CDH4: variants seen among roughly 807,000 people sequenced by gnomAD.
CDH4 encodes cadherin 4.
CDH4 carries 33 observed loss-of-function variants against 86.0 expected under a neutral mutation model. The ratio of observed to expected loss-of-function variants is 0.38; its 90% CI spans 0.29 to 0.51. The LOEUF is 0.51. Among genes scored for constraint, CDH4 ranks in the 20% least tolerant of loss-of-function variants. The probability of loss-of-function intolerance (pLI) is 0.86; values close to 1 mark genes in which losing one functional copy is unlikely to be tolerated. For missense variants in CDH4, 1,114 were observed against 1,307.4 expected (o/e 0.85, Z 2.28); for synonymous variants, 555 against 549.4 (o/e 1.01, Z -0.14).
intron 2 of CDH4, among the ~76,000 whole-genome samples, chr20:61,500,419 G>T (rs181029014): frequency 6.6e-6 from 1 of 152,236 alleles, no homozygotes; most frequent in Admixed American, 6.5e-5. Flanking sequence ...TCCACATCAC[G>T]GGCGTGGAGA....
rs73148360 is a variant in CDH4 at position 61,659,177 on chromosome 20, G to A, written c.170-84386G>A. Among the ~76,000 whole-genome samples the A allele has an allele frequency of 6.1e-3, 934 of 152,338 alleles. 4 individuals carry two copies. Among genetic ancestry groups the A allele is most frequent in the Middle Eastern group, 0.01 (3 of 294 alleles). On this transcript the variant is annotated intron_variant, in intron 2 of 15. Coordinates refer to ENST00000614565, the MANE Select transcript of CDH4 (RefSeq NM_001794.5). ...GGAAGGAGGGCCTGGGACACGCCAC[G>A]TGAGGCCCTGCACCACCCGTGACAC...
chr20:61,470,648 T>A (rs2085496772), intron 2 of CDH4, among the ~76,000 whole-genome samples: 1 of 152,144 alleles, frequency 6.6e-6, no homozygotes. Context: ...TTTTTTCTCA[T>A]TCAGTATGAC....
At chr20:61,260,438 A>G (rs1365756592) in intron 2 of CDH4, among the ~76,000 whole-genome samples, 2 of 152,230 alleles carry the variant, frequency 1.3e-5, no homozygotes, top group Admixed American at 1.3e-4. Context: ...GCTGGATCTC[A>G]TAGTGATGCT....
chr20:61,906,511 G>T (rs533331843), intron 8 of CDH4, among the ~76,000 whole-genome samples: 7 of 152,238 alleles, frequency 4.6e-5, no homozygotes, highest in Non-Finnish European at 2.9e-5. Flanking sequence ...CTGCCAAGTG[G>T]CTCCCGGGGG....
intron 2 of CDH4, among the ~76,000 whole-genome samples, chr20:61,598,385 T>C (rs1206231413): frequency 1.4e-5 from 2 of 143,522 alleles, no homozygotes; most frequent in Non-Finnish European, 3.0e-5. Flanking sequence ...CCAGAGGTCA[T>C]GCACCCCCCA....
chr20:61,664,088 C>T (rs893829723), intron 2 of CDH4, among the ~76,000 whole-genome samples: 4 of 152,250 alleles, frequency 2.6e-5, no homozygotes, highest in Middle Eastern at 3.4e-3. Context: ...CCAGAGAGGA[C>T]GCCCTGCATG....
chr20:61,818,951 T>TG (rs1980876774), intron 4 of CDH4, among the ~76,000 whole-genome samples: 1 of 152,216 alleles, frequency 6.6e-6, no homozygotes. Flanking sequence ...CGTCCCAGCC[T>TG]GGCCTGCAGG....
In CDH4 at chr20:61,517,313, T is replaced by C. The variant is rs1488737129; in HGVS notation, c.170-226250T>C. ...GCTCAAGCGATCCTCCCACCTCCTGTGGGGCTGTGTAGCTGGGGCCACAGG... is the reference window on the plus strand; with the variant it reads ...GCTCAAGCGATCCTCCCACCTCCTGCGGGGCTGTGTAGCTGGGGCCACAGG... On this transcript the variant is annotated intron_variant, in intron 2 of 15. Coordinates refer to ENST00000614565, the MANE Select transcript of CDH4 (RefSeq NM_001794.5). The surrounding 1 kb of genome is among the most constrained non-coding windows in gnomAD (Gnocchi z 6.6). Among the ~76,000 whole-genome samples, 1 of 152,090 alleles carries C rather than the reference T, an allele frequency of 6.6e-6. No homozygotes were observed. The highest frequency in any genetic ancestry group is 1.5e-5 in the Non-Finnish European group (1 of 68,000).
chr20:61,389,621 A>G (rs73915011), intron 2 of CDH4, among the ~76,000 whole-genome samples: 3,244 of 152,280 alleles, frequency 0.021, 137 homozygotes, highest in African/African-American at 0.074. Context: ...TTGTTGTTCT[A>G]TAGATCGACG....
At chr20:61,740,143 A>G (rs895009730) in intron 2 of CDH4, among the ~76,000 whole-genome samples, 13 of 152,228 alleles carry the variant, frequency 8.5e-5, no homozygotes, top group African/African-American at 3.1e-4. Flanking sequence ...TGCTGAGGTT[A>G]GTAAATGTCT....
intron 4 of CDH4, among the ~76,000 whole-genome samples, chr20:61,842,313 A>C (rs1445027472): frequency 6.6e-6 from 1 of 152,226 alleles, no homozygotes; most frequent in Non-Finnish European, 1.5e-5. Context: ...CACGTGGGGC[A>C]GTTGCAGTGG....
At chr20:61,484,761 T>G (rs2085586817) in intron 2 of CDH4, among the ~76,000 whole-genome samples, 1 of 150,566 alleles carries the variant, frequency 6.6e-6, no homozygotes, top group African/African-American at 2.5e-5. Context: ...CAGAGGGGGC[T>G]CAGGGGGTGC....
At chr20:61,880,383 GAAA>G (rs1035393340) in intron 7 of CDH4, among the ~76,000 whole-genome samples, 1 of 151,478 alleles carries the variant, frequency 6.6e-6, no homozygotes, top group South Asian at 2.1e-4. Context: ...TTGTCTTGCA[GAAA>G]AAAAAATATT....
intron 2 of CDH4, among the ~76,000 whole-genome samples, chr20:61,583,082 T>G (rs996288722): frequency 1.5e-4 from 22 of 147,906 alleles, no homozygotes; most frequent in Admixed American, 2.7e-4. Context: ...GTGGTGGAGG[T>G]CAGAGGGGAG....
intron 2 of CDH4, among the ~76,000 whole-genome samples, chr20:61,583,617 A>G (rs80015683): frequency 0.014 from 2,194 of 152,314 alleles, 54 homozygotes; most frequent in African/African-American, 0.05. Context: ...ACTACCCCAC[A>G]CATGGCTGGG....
chr20:61,644,543 A>G (rs559493679), intron 2 of CDH4, among the ~76,000 whole-genome samples: 90 of 152,088 alleles, frequency 5.9e-4, no homozygotes, highest in Non-Finnish European at 1.1e-3. Flanking sequence ...CGGGCTTTCC[A>G]GGAAGGGGAA....
At chr20:61,705,128 G>A (rs2087815822) in intron 2 of CDH4, among the ~76,000 whole-genome samples, 1 of 152,212 alleles carries the variant, frequency 6.6e-6, no homozygotes, top group South Asian at 2.1e-4. Flanking sequence ...CAGGGGCCTT[G>A]TGCCTAGACC....
At chr20:61,817,696 C>T (rs1014061735) in intron 4 of CDH4, among the ~76,000 whole-genome samples, 32 of 152,276 alleles carry the variant, frequency 2.1e-4, no homozygotes, top group African/African-American at 7.5e-4. Context: ...GCTAGCTATG[C>T]CGGGGCATCC....
In CDH4 at chr20:61,518,534, T is replaced by A. The variant is rs1224654407; in HGVS notation, c.170-225029T>A. On this transcript the variant is annotated intron_variant, in intron 2 of 15. Transcript: ENST00000614565. The surrounding 1 kb of genome is among the most constrained non-coding windows in gnomAD (Gnocchi z 6.3). ...TCCGTCCATCTATCATCCATCCATCTATCCATCATTCATCCATCATCCTTC... is the reference window on the plus strand; with the variant it reads ...TCCGTCCATCTATCATCCATCCATCAATCCATCATTCATCCATCATCCTTC... Among the ~76,000 whole-genome samples the A allele has an allele frequency of 6.6e-6, 1 of 150,852 alleles. No individual in the cohort carries two copies. The highest frequency in any genetic ancestry group is 6.6e-5 in the Admixed American group (1 of 15,168).
Sources: gnomAD v4.1 joint callset for allele counts (sites outside exome capture counted in the v4.1 genomes callset) on GRCh38, gnomAD v4.1.1 for gene constraint, Gnocchi (gnomAD v3.1) non-coding constraint, MANE v1.5 for transcripts, NCBI Gene and HGNC (gene_info 2026-07-23, HGNC 2026-07-21) for gene names.